The following DTD1 variants were observed in gnomAD, a reference collection of about 807,000 sequenced individuals.
DTD1 encodes the protein D-tyrosyl-tRNA deacylase 1 homolog.
DTD1 carries 13 observed loss-of-function variants against 25.6 expected under a neutral mutation model. That is an observed-to-expected ratio of 0.51 (90% confidence interval 0.33 to 0.81). The LOEUF is 0.81. Among genes scored for constraint, DTD1 ranks in the 30% least tolerant of loss-of-function variants. The pLI is 0.02. For synonymous variants in DTD1, 110 were observed against 103.6 expected (o/e 1.06, Z -0.37); for missense variants, 193 against 266.4 (o/e 0.72, Z 1.92).
chr20:18,654,117 T>C (rs928057680), intron 4 of DTD1, among the ~76,000 whole-genome samples: 14 of 152,254 alleles, frequency 9.2e-5, no homozygotes, highest in African/African-American at 3.4e-4. Context: ...AGTGGGTGGA[T>C]GATATGTTTT....
chr20:18,757,123 A>G (rs1357478413), intron 5 of DTD1, among the ~76,000 whole-genome samples: 3 of 152,116 alleles, frequency 2.0e-5, no homozygotes, highest in Non-Finnish European at 4.4e-5. Flanking sequence ...TTGATTTTGT[A>G]TCCTGAGACT....
chr20:18,708,362 A>T (rs6112077), intron 4 of DTD1, among the ~76,000 whole-genome samples: 28,642 of 50,666 alleles, frequency 0.57, 8,346 homozygotes, highest in Non-Finnish European at 0.65. Flanking sequence ...ATCTATATAT[A>T]TATTTTTTTT....
intron 1 of DTD1, among the ~76,000 whole-genome samples, chr20:18,590,183 T>A (rs1245464270): frequency 6.6e-6 from 1 of 152,142 alleles, no homozygotes; most frequent in Non-Finnish European, 1.5e-5. Flanking sequence ...GCATTTATGG[T>A]TTGTTTGTTT....
At chr20:18,609,353 T>G (rs979454847) in intron 3 of DTD1, among the ~76,000 whole-genome samples, 1 of 152,032 alleles carries the variant, frequency 6.6e-6, no homozygotes, top group Non-Finnish European at 1.5e-5. Flanking sequence ...TGTTTCACTA[T>G]GTTGCCAAGT....
chr20:18,647,992 T>C (rs2060856499), intron 4 of DTD1, among the ~76,000 whole-genome samples: 2 of 152,192 alleles, frequency 1.3e-5, no homozygotes, highest in Admixed American at 6.5e-5. Flanking sequence ...AAAAGATCTC[T>C]TCTGTTCCCT....
intron 4 of DTD1, among the ~76,000 whole-genome samples, chr20:18,666,348 CT>C (rs1407592561): frequency 6.6e-6 from 1 of 152,196 alleles, no homozygotes; most frequent in Admixed American, 6.5e-5. Context: ...CATTGTAAAG[CT>C]ACTATTTTTC....
rs1245805374 is a variant in DTD1, at chr20:18,678,455, G to A, written c.477+50222G>A. Reference sequence around the variant, plus strand: ...TTTAACCCCACATCTCACTGGACATGTAGTATCTCTTGAGTTCTGATACTT... The same window carrying A: ...TTTAACCCCACATCTCACTGGACATATAGTATCTCTTGAGTTCTGATACTT... On this transcript the variant is annotated intron_variant, in intron 4 of 5. Transcript: ENST00000377452. Among the ~76,000 whole-genome samples, 3 of 152,258 alleles carry A rather than the reference G, an allele frequency of 2.0e-5. No individual in the cohort carries two copies. The South Asian group carries it at 6.2e-4, about 32-fold the overall frequency.
chr20:18,715,272 C>T (rs931126282), intron 4 of DTD1, among the ~76,000 whole-genome samples: 3 of 152,170 alleles, frequency 2.0e-5, no homozygotes, highest in Non-Finnish European at 4.4e-5. Flanking sequence ...GGTGCCTGCT[C>T]CCCCAGATCA....
At chr20:18,708,254 A>ATATAT (rs2061139045) in intron 4 of DTD1, among the ~76,000 whole-genome samples, 1 of 26,276 alleles carries the variant, frequency 3.8e-5, no homozygotes, top group Non-Finnish European at 7.4e-5. Flanking sequence ...AATATATATT[A>ATATAT]TATATATATT....
chr20:18,750,704 T>C (rs2061318427), intron 5 of DTD1, among the ~76,000 whole-genome samples: 1 of 152,240 alleles, frequency 6.6e-6, no homozygotes, highest in Admixed American at 6.5e-5. Context: ...CTTCGGGCTC[T>C]CTCACCTTGC....
chr20:18,718,540 T>G (rs757923894), intron 4 of DTD1, among the ~76,000 whole-genome samples: 1 of 152,228 alleles, frequency 6.6e-6, no homozygotes, highest in Non-Finnish European at 1.5e-5. Context: ...GTGTAATACA[T>G]CTATATTATT....
intron 4 of DTD1, among the ~76,000 whole-genome samples, chr20:18,651,544 A>G (rs1419761622): frequency 6.6e-6 from 1 of 152,110 alleles, no homozygotes; most frequent in African/African-American, 2.4e-5. Flanking sequence ...TAAAGAGAGG[A>G]TTTGTCTTAA....
In DTD1 at chr20:18,629,986, T is replaced by C. The variant is rs1439479682; in HGVS notation, c.477+1753T>C. ...CCTCCTCCAATGCTGGGGATTCCAA[T>C]TCAACATGAGATTTGGGTGGGGACA... On this transcript the variant is annotated intron_variant, in intron 4 of 5. Coordinates refer to ENST00000377452, the MANE Select transcript of DTD1 (RefSeq NM_080820.6). Among the ~76,000 whole-genome samples, 3 of 152,142 alleles carry C rather than the reference T, an allele frequency of 2.0e-5. No homozygotes were observed. In the East Asian group the frequency reaches 5.8e-4, roughly 29 times the overall value.
intron 4 of DTD1, among the ~76,000 whole-genome samples, chr20:18,716,318 C>T (rs1600387775): frequency 6.6e-6 from 1 of 152,212 alleles, no homozygotes; most frequent in Non-Finnish European, 1.5e-5. Flanking sequence ...GGAAGGAACT[C>T]AAGCTCCACA....
Position 18,633,456 on chromosome 20 carries a change from A to G in DTD1, c.477+5223A>G, listed in dbSNP as rs553581068. On this transcript the variant is annotated intron_variant, in intron 4 of 5. Coordinates refer to ENST00000377452, the MANE Select transcript of DTD1 (RefSeq NM_080820.6). Reference sequence around the variant, plus strand: ...TTTCACAGACTTCACACCATCTGCTATCATGGTCCACACCACTCATAAAAC... The same window carrying G: ...TTTCACAGACTTCACACCATCTGCTGTCATGGTCCACACCACTCATAAAAC... Among the ~76,000 whole-genome samples, 3 of 152,234 alleles carry G rather than the reference A, an allele frequency of 2.0e-5. No homozygotes were observed. The South Asian group carries it at 6.2e-4, about 32-fold the overall frequency.
intron 5 of DTD1, among the ~76,000 whole-genome samples, chr20:18,748,435 G>T (rs927575891): frequency 6.6e-6 from 1 of 152,156 alleles, no homozygotes; most frequent in Non-Finnish European, 1.5e-5. Flanking sequence ...ACAACTTAAA[G>T]ACTTCCATTT....
intron 3 of DTD1, among the ~76,000 whole-genome samples, chr20:18,615,544 T>G (rs11905596): frequency 0.025 from 3,838 of 152,250 alleles, 78 homozygotes; most frequent in South Asian, 0.045. Context: ...GTGTTAAGCA[T>G]GTATTGCTTT....
intron 3 of DTD1, among the ~76,000 whole-genome samples, chr20:18,620,308 C>A (rs776607599): frequency 7.9e-5 from 12 of 152,170 alleles, no homozygotes; most frequent in Non-Finnish European, 1.5e-4. Context: ...AGTTTGGCTG[C>A]CTGTTTACAT....
At chr20:18,691,558 A>G (rs1254983557) in intron 4 of DTD1, among the ~76,000 whole-genome samples, 1 of 152,174 alleles carries the variant, frequency 6.6e-6, no homozygotes, top group African/African-American at 2.4e-5. Flanking sequence ...GGAGCTAAAC[A>G]CTGAGTACAC....
Sources: gnomAD v4.1 joint callset for allele counts (sites outside exome capture counted in the v4.1 genomes callset) on GRCh38, gnomAD v4.1.1 for gene constraint, MANE v1.5 for transcripts, NCBI Gene and HGNC (gene_info 2026-07-23, HGNC 2026-07-21) for gene names.